LEMD1: variants seen among roughly 807,000 people sequenced by gnomAD.
LEMD1 encodes LEM domain-containing protein 1.
A neutral mutation model predicts 17.4 loss-of-function variants in LEMD1; 18 were observed. The ratio of observed to expected loss-of-function variants is 1.04; its 90% CI spans 0.72 to 1.54. The LOEUF is 1.54. Among genes scored for constraint, LEMD1 ranks in the 40% most tolerant of loss-of-function variants. The probability of loss-of-function intolerance (pLI) is 0.00; values close to 1 mark genes in which losing one functional copy is unlikely to be tolerated. For synonymous variants in LEMD1, 88 were observed against 77.8 expected (o/e 1.13, Z -0.69); for missense variants, 195 against 210.4 (o/e 0.93, Z 0.45).
chr1:205,404,103 A>G (rs1243237043), intron 4 of LEMD1, among the ~76,000 whole-genome samples: 1 of 152,148 alleles, frequency 6.6e-6, no homozygotes, highest in Non-Finnish European at 1.5e-5. Flanking sequence ...ACATTTGCTG[A>G]GGAGAGCTTT....
In LEMD1 at chr1:205,387,879, C is replaced by T. The variant is rs75022084; in HGVS notation, c.271-3515G>A. ...ACTGTCTCACTACAACACTAGCTAACACGTATATGGCATTCCCTGTGCACC... is the reference window on the plus strand; with the variant it reads ...ACTGTCTCACTACAACACTAGCTAATACGTATATGGCATTCCCTGTGCACC... On this transcript the variant is annotated intron_variant, in intron 4 of 5. Coordinates refer to ENST00000367153, the MANE Select transcript of LEMD1 (RefSeq NM_001199050.2). Among the ~76,000 whole-genome samples the T allele has an allele frequency of 2.7e-3, 413 of 152,356 alleles. 3 individuals are homozygous for T. The highest frequency in any genetic ancestry group is 9.6e-3 in the African/African-American group (401 of 41,584).
At chr1:205,416,880 T>A (rs145035360) in intron 3 of LEMD1, among the ~76,000 whole-genome samples, 315 of 152,286 alleles carry the variant, frequency 2.1e-3, no homozygotes, top group Non-Finnish European at 2.2e-3. Context: ...TAAAGCTGTG[T>A]CTCCCCACTG....
chr1:205,435,885 T>C (rs1357967493), intron 1 of LEMD1: 1 of 152,144 alleles, frequency 6.6e-6, no homozygotes, highest in Admixed American at 6.5e-5. Context: ...GGCTGAGGGG[T>C]GACCTTAGGG....
At chr1:205,403,067 G>T (rs1436453596) in intron 4 of LEMD1, among the ~76,000 whole-genome samples, 2 of 151,904 alleles carry the variant, frequency 1.3e-5, no homozygotes, top group Admixed American at 6.6e-5. Flanking sequence ...GATCATGGTG[G>T]ATAAGCTTTT....
intron 3 of LEMD1, among the ~76,000 whole-genome samples, chr1:205,417,060 C>T (rs998722284): frequency 1.3e-5 from 2 of 152,164 alleles, no homozygotes; most frequent in Admixed American, 6.6e-5. Context: ...AGGATACCCC[C>T]GTCCAGTTCA....
intron 4 of LEMD1, among the ~76,000 whole-genome samples, chr1:205,392,626 T>C (rs771735646): frequency 1.3e-5 from 2 of 151,328 alleles, no homozygotes; most frequent in Admixed American, 6.6e-5. Context: ...AAAGAATCAA[T>C]GAATTTGAAG....
chr1:205,425,732 A>G (rs975572266), upstream of LEMD1, among the ~76,000 whole-genome samples: 1 of 152,216 alleles, frequency 6.6e-6, no homozygotes, highest in Admixed American at 6.5e-5. Context: ...AGCATGAGGC[A>G]TGAACAAGGT....
At chr1:205,431,071 G>C (rs1034051033) in intron 1 of LEMD1, among the ~76,000 whole-genome samples, 4 of 152,172 alleles carry the variant, frequency 2.6e-5, no homozygotes, top group African/African-American at 9.6e-5. Context: ...GGGTGGGGCG[G>C]AGGACCCCCA....
chr1:205,401,334 T>A (rs993215837), intron 4 of LEMD1, among the ~76,000 whole-genome samples: 1 of 152,226 alleles, frequency 6.6e-6, no homozygotes, highest in African/African-American at 2.4e-5. Context: ...GTGTTCCTAT[T>A]TCTCCACATC....
At chr1:205,399,749 A>G (rs1449197560) in intron 4 of LEMD1, among the ~76,000 whole-genome samples, 1 of 152,272 alleles carries the variant, frequency 6.6e-6, no homozygotes, top group Non-Finnish European at 1.5e-5. Flanking sequence ...GTCAGTGGAT[A>G]CAACCCATTG....
At chr1:205,440,047 C>T (rs563487668) in intron 1 of LEMD1, among the ~76,000 whole-genome samples, 84 of 152,144 alleles carry the variant, frequency 5.5e-4, no homozygotes, top group Non-Finnish European at 9.4e-4. Context: ...CACATATGAA[C>T]GCAGTCCCCT....
chr1:205,439,384 G>A (rs1332193279), intron 1 of LEMD1, among the ~76,000 whole-genome samples: 1 of 152,230 alleles, frequency 6.6e-6, no homozygotes, highest in Non-Finnish European at 1.5e-5. Context: ...AACTCAAGCT[G>A]TGCTCAAGCC....
intron 1 of LEMD1, among the ~76,000 whole-genome samples, chr1:205,438,924 C>T (rs912244953): frequency 1.5e-4 from 23 of 152,188 alleles, no homozygotes; most frequent in African/African-American, 5.5e-4. Flanking sequence ...TCCTCGGCCA[C>T]CCGCTCCCCA....
In LEMD1 at chr1:205,441,530, C is replaced by G; in HGVS notation, c.-39+8338G>C. 6.6e-6 allele frequency among the ~76,000 whole-genome samples: 1 copy of G among 152,162 alleles called. No individual in the cohort carries two copies. The highest frequency in any genetic ancestry group is 1.9e-4 in the East Asian group (1 of 5,186). On this transcript the variant is annotated intron_variant, in intron 1 of 3. Transcript: ENST00000367154. This position sits in a 1 kb window ranked among gnomAD's most constrained non-coding sequence, Gnocchi z 4.3. ...GGCCCTCCTCCATCCAAATGCGGAC[C>G]CCTTCATCCAGTGTAGCTTTACTTT...
chr1:205,400,864 A>G (rs11485750), intron 4 of LEMD1, among the ~76,000 whole-genome samples: 40,465 of 108,312 alleles, frequency 0.37, 6,788 homozygotes, highest in African/African-American at 0.45. Context: ...ACCCCACAAC[A>G]GTCACCAGAG....
chr1:205,438,926 C>T (rs1174690184), intron 1 of LEMD1, among the ~76,000 whole-genome samples: 1 of 152,020 alleles, frequency 6.6e-6, no homozygotes, highest in Non-Finnish European at 1.5e-5. Flanking sequence ...CTCGGCCACC[C>T]GCTCCCCAGG....
intron 4 of LEMD1, among the ~76,000 whole-genome samples, chr1:205,408,700 A>ATG (rs1298152806): frequency 8.6e-5 from 13 of 151,510 alleles, no homozygotes; most frequent in Non-Finnish European, 1.5e-5. Context: ...GGGTTTTGCC[A>ATG]TGTTGCCCAG....
intron 4 of LEMD1, among the ~76,000 whole-genome samples, chr1:205,402,186 G>A (rs912950930): frequency 1.3e-5 from 2 of 152,086 alleles, no homozygotes; most frequent in African/African-American, 4.8e-5. Context: ...GGCGATGCAG[G>A]CTCTTTTTTG....
chr1:205,431,708 T>A (rs551212665), intron 1 of LEMD1, among the ~76,000 whole-genome samples: 1 of 151,754 alleles, frequency 6.6e-6, no homozygotes, highest in Non-Finnish European at 1.5e-5. Flanking sequence ...ACACGGAAGC[T>A]TTTTTCTTTC....
Sources: gnomAD v4.1 joint callset for allele counts (sites outside exome capture counted in the v4.1 genomes callset) on GRCh38, gnomAD v4.1.1 for gene constraint, Gnocchi (gnomAD v3.1) non-coding constraint, MANE v1.5 for transcripts, NCBI Gene and HGNC (gene_info 2026-07-23, HGNC 2026-07-21) for gene names.